HIPK2: variants seen among roughly 807,000 people sequenced by gnomAD.
HIPK2 encodes homeodomain-interacting protein kinase 2.
HIPK2 carries 27 observed loss-of-function variants against 113.7 expected under a neutral mutation model. The observed-to-expected ratio is 0.24, with a 90% confidence interval of 0.17 to 0.33. The LOEUF is 0.33. HIPK2 is among the 10% of genes least tolerant of loss of function. HIPK2 has a pLI of 1.00. For missense variants in HIPK2, 1,257 were observed against 1,588.0 expected, an observed-to-expected ratio of 0.79 and a Z score of 3.54; for synonymous variants, 631 against 642.2, an observed-to-expected ratio of 0.98 and a Z score of 0.26.
chr7:139,577,140 CTT>C (rs966966045), intron 13 of HIPK2, among the ~76,000 whole-genome samples: 2,889 of 91,126 alleles, frequency 0.032, 28 homozygotes, highest in African/African-American at 0.082. Context: ...ACTGGGCTTC[CTT>C]TTTTTTTTTT....
chr7:139,575,933 G>A (rs1798476192), intron 13 of HIPK2, among the ~76,000 whole-genome samples: 1 of 152,250 alleles, frequency 6.6e-6, no homozygotes, highest in Non-Finnish European at 1.5e-5. Context: ...CTGGCATCCT[G>A]TTCTTGGACT....
rs1489512174 is a variant in HIPK2, at chr7:139,596,945, C to T, written c.2489G>A (p.Arg830Gln). The T allele has an allele frequency of 6.8e-6, 11 of 1,609,890 alleles. No individual in the cohort carries two copies. The highest frequency in any genetic ancestry group is 6.7e-5 in the East Asian group (3 of 44,768). ...SSSQAISSPQ[R>Q]SKRVKENTPP... ...TGTGTTCTCCTTGACACGCTTGGAT[C>T]GCTGTGGGGAGCTGATGGCCTGAGA... The change falls in exon 12 of 15, where the codon CGA (arginine) becomes CAA (glutamine). Residue 830 changes from arginine to glutamine, a missense_variant. Coordinates refer to ENST00000406875, the MANE Select transcript of HIPK2 (RefSeq NM_022740.5).
intron 2 of HIPK2, among the ~76,000 whole-genome samples, chr7:139,636,220 C>CT (rs1175726879): frequency 6.6e-6 from 1 of 151,982 alleles, no homozygotes; most frequent in Admixed American, 6.6e-5. Flanking sequence ...CATGACATCG[C>CT]TTGCTCCCCA....
intron 2 of HIPK2, among the ~76,000 whole-genome samples, chr7:139,669,119 T>C (rs952039326): frequency 7.9e-5 from 12 of 152,196 alleles, no homozygotes; most frequent in African/African-American, 2.9e-4. Context: ...ACCTAACAAC[T>C]ACATTCTAAA....
rs556972004 is a variant in HIPK2, at chr7:139,667,613, T to G, written c.1104-35888A>C. Among the ~76,000 whole-genome samples the G allele has an allele frequency of 5.3e-5, 8 of 152,220 alleles. 1 individual carries two copies. The highest frequency in any genetic ancestry group is 5.2e-4 in the Admixed American group (8 of 15,284). On this transcript the variant is annotated intron_variant, in intron 2 of 14. Coordinates refer to ENST00000406875, the MANE Select transcript of HIPK2 (RefSeq NM_022740.5). ...GTGACTGCCATTTCAGAAGTGGTAC[T>G]GACTCACTAGCTTTTATAATCAGAA...
chr7:139,753,750 G>A (rs1192918077), intron 1 of HIPK2, among the ~76,000 whole-genome samples: 1 of 152,240 alleles, frequency 6.6e-6, no homozygotes, highest in Non-Finnish European at 1.5e-5. Context: ...TGCGAGGGCA[G>A]GCGTGCATAC....
At chr7:139,678,848 T>C (rs2116694435) in intron 2 of HIPK2, among the ~76,000 whole-genome samples, 1 of 152,332 alleles carries the variant, frequency 6.6e-6, no homozygotes, top group South Asian at 2.1e-4. Context: ...GAGCAGTGGT[T>C]TGTAGTTCTC....
chr7:139,648,907 A>C (rs1286747585), intron 2 of HIPK2, among the ~76,000 whole-genome samples: 1 of 152,164 alleles, frequency 6.6e-6, no homozygotes, highest in Non-Finnish European at 1.5e-5. Flanking sequence ...CTATGGAAAG[A>C]AGCAAGGCAT....
intron 2 of HIPK2, among the ~76,000 whole-genome samples, chr7:139,677,792 C>CA (rs1802553264): frequency 6.6e-6 from 1 of 152,154 alleles, no homozygotes; most frequent in Non-Finnish European, 1.5e-5. Context: ...GAGGAATCAC[C>CA]ACACTGTCTT....
chr7:139,662,799 T>C (rs1421699219), intron 2 of HIPK2, among the ~76,000 whole-genome samples: 2 of 152,060 alleles, frequency 1.3e-5, no homozygotes, highest in Non-Finnish European at 2.9e-5. Flanking sequence ...TTTGTATTTT[T>C]AGTAAAGATG....
intron 1 of HIPK2, among the ~76,000 whole-genome samples, chr7:139,768,541 G>A (rs1447551969): frequency 6.6e-6 from 1 of 152,068 alleles, no homozygotes; most frequent in Non-Finnish European, 1.5e-5. Flanking sequence ...GATTTTTGTT[G>A]TTGTTGTTAT....
chr7:139,616,042 C>T (rs983409711), intron 7 of HIPK2, among the ~76,000 whole-genome samples: 12 of 152,170 alleles, frequency 7.9e-5, no homozygotes, highest in African/African-American at 1.9e-4. Context: ...CCTCCACATT[C>T]CCCATGGTCT....
chr7:139,584,009 G>A lies in HIPK2; in HGVS notation c.2773C>T (p.Pro925Ser). 1.2e-6 allele frequency: 2 copies of A among 1,613,404 alleles called. No homozygotes were observed. Among genetic ancestry groups the A allele is most frequent in the East Asian group, 2.2e-5 (1 of 44,872 alleles). The change falls in exon 13 of 15, where the codon CCC (proline) becomes TCC (serine). Residue 925 changes from proline (P) to serine (S), a missense_variant. Physicochemically the swap from Pro to Ser is moderately conservative, Grantham distance 74 (BLOSUM62 -1). This residue lies in a region of HIPK2 where 862 missense variants were observed against 1,004.3 expected (regional missense o/e 0.86). Coordinates refer to ENST00000406875, the MANE Select transcript of HIPK2 (RefSeq NM_022740.5). ...GTGTTGCTGGAGGAGTCGGAGTAGG[G>A]GGAGTCGTGGACTGTGACACAGCTG... ...VISCVTVHDSPYSDSSSNTSP... is the reference protein window; with the variant it reads ...VISCVTVHDSSYSDSSSNTSP...
chr7:139,642,704 G>A (rs956868870), intron 2 of HIPK2, among the ~76,000 whole-genome samples: 9 of 152,178 alleles, frequency 5.9e-5, no homozygotes, highest in African/African-American at 2.2e-4. Flanking sequence ...TCTTTGATTA[G>A]GGTGATAGGC....
chr7:139,655,578 G>A (rs1801638321), intron 2 of HIPK2, among the ~76,000 whole-genome samples: 1 of 152,054 alleles, frequency 6.6e-6, no homozygotes, highest in African/African-American at 2.4e-5. Context: ...TTTCTCCTTG[G>A]CCCTTTCTCT....
At chr7:139,775,423 G>T (rs1472347615) in intron 1 of HIPK2, among the ~76,000 whole-genome samples, 5 of 152,200 alleles carry the variant, frequency 3.3e-5, no homozygotes, top group Admixed American at 6.5e-5. Context: ...AAAACACCCA[G>T]ATCTGGGCTT....
intron 13 of HIPK2, among the ~76,000 whole-genome samples, chr7:139,577,182 CTT>C (rs1176253603): frequency 8.8e-6 from 1 of 113,058 alleles, no homozygotes; most frequent in Non-Finnish European, 1.7e-5. Context: ...GAGTTTCACT[CTT>C]GTTGCCCAGG....
chr7:139,586,163 T>G (rs1482278830), intron 12 of HIPK2, among the ~76,000 whole-genome samples: 1 of 152,254 alleles, frequency 6.6e-6, no homozygotes, highest in Admixed American at 6.5e-5. Flanking sequence ...CATATATTTA[T>G]GGCTCTTCAT....
Position 139,777,663 on chromosome 7 carries a change from G to C in HIPK2, c.-40C>G. 2 of 1,086,626 alleles carry C rather than the reference G, an allele frequency of 1.8e-6. No homozygotes were observed. The highest frequency in any genetic ancestry group is 2.2e-6 in the Non-Finnish European group (2 of 894,232). 67.3% of individuals were successfully genotyped at this position (1,086,626 alleles called of 1,614,324 possible). On this transcript the variant is annotated 5_prime_UTR_variant, in exon 1 of 15. Coordinates refer to ENST00000406875, the MANE Select transcript of HIPK2 (RefSeq NM_022740.5). ...CCGCGGTTCATGGCAACGGGGACGG[G>C]AAAGCGGCGCGCGAGCTCGGCCCCC... is the stretch of plus-strand genomic sequence containing the variant.
Sources: gnomAD v4.1 joint callset for allele counts (sites outside exome capture counted in the v4.1 genomes callset) on GRCh38, gnomAD v4.1.1 for gene constraint, gnomAD v4.1.1 regional missense constraint, MANE v1.5 for transcripts, NCBI Gene and HGNC (gene_info 2026-07-23, HGNC 2026-07-21) for gene names.